Variants in RB1 observed in about 807,000 individuals in gnomAD.
RB1 encodes RB transcriptional corepressor 1.
A neutral mutation model predicts 135.4 loss-of-function variants in RB1; 18 were observed. The ratio of observed to expected loss-of-function variants is 0.13; its 90% CI spans 0.09 to 0.20. The LOEUF (loss-of-function observed/expected upper bound fraction) is 0.20. Among genes scored for constraint, RB1 ranks in the 10% least tolerant of loss-of-function variants. The pLI is 1.00. For synonymous variants in RB1, 365 were observed against 373.2 expected, an observed-to-expected ratio of 0.98 and a Z score of 0.25; for missense variants, 868 against 1,110.0, an observed-to-expected ratio of 0.78 and a Z score of 3.10.
chr13:48,427,142 G>T (rs1171446779), intron 17 of RB1, among the ~76,000 whole-genome samples: 1 of 152,036 alleles, frequency 6.6e-6, no homozygotes, highest in Non-Finnish European at 1.5e-5. Flanking sequence ...CTCACCTCCA[G>T]CATTGGGGAG....
At chr13:48,351,413 C>T (rs1421873564) in intron 6 of RB1, among the ~76,000 whole-genome samples, 2 of 151,958 alleles carry the variant, frequency 1.3e-5, no homozygotes, top group Non-Finnish European at 2.9e-5. Context: ...ATGTGCCTTG[C>T]CCACTTTTTA....
intron 17 of RB1, among the ~76,000 whole-genome samples, chr13:48,402,899 AT>A (rs1226064142): frequency 1.3e-5 from 2 of 152,062 alleles, no homozygotes; most frequent in African/African-American, 4.8e-5. Flanking sequence ...AAATGGTATA[AT>A]TTTTTAGTGC....
At chr13:48,382,689 T>C (rs1199798239) in intron 17 of RB1, among the ~76,000 whole-genome samples, 6 of 152,234 alleles carry the variant, frequency 3.9e-5, no homozygotes, top group Admixed American at 2.0e-4. Context: ...GCAGAAGCTC[T>C]TTAGTTTAAT....
Position 48,368,704 on chromosome 13 carries a change from T to C in RB1, c.1127+100T>C, listed in dbSNP as rs3092889. On this transcript the variant is annotated intron_variant, in intron 11 of 26. Transcript: ENST00000267163. ...GTTTCTTTATGTATTCATACATACA[T>C]GTAAGAAATATATATTGAAGGCCAG... 1.8e-4 allele frequency: 267 copies of C among 1,466,110 alleles called. No homozygotes were observed. The African/African-American group carries it at 3.2e-3, about 17-fold the overall frequency. 90.8% of individuals were successfully genotyped at this position (1,466,110 alleles called of 1,614,324 possible).
intron 17 of RB1, chr13:48,444,742 A>G (rs535949834): frequency 6.6e-6 from 1 of 152,230 alleles, no homozygotes; most frequent in Admixed American, 6.5e-5. Context: ...TTATGATGTC[A>G]GCATTCCTCC....
intron 17 of RB1, among the ~76,000 whole-genome samples, chr13:48,438,987 T>C (rs1394671079): frequency 6.6e-6 from 1 of 152,152 alleles, no homozygotes; most frequent in African/African-American, 2.4e-5. Flanking sequence ...ATAGATGGAA[T>C]TGTGGCCAGT....
At chr13:48,331,516 TTC>T (rs1250441294) in intron 2 of RB1, among the ~76,000 whole-genome samples, 1 of 152,144 alleles carries the variant, frequency 6.6e-6, no homozygotes, top group Non-Finnish European at 1.5e-5. Flanking sequence ...GCATGCTCAG[TTC>T]TCTCACCATG....
At chr13:48,376,624 T>C (rs1952827618) in intron 12 of RB1, among the ~76,000 whole-genome samples, 1 of 152,112 alleles carries the variant, frequency 6.6e-6, no homozygotes. Flanking sequence ...TTTATGAGAA[T>C]GTATGAGGCT....
Position 48,348,964 on chromosome 13 carries a change from C to T in RB1, c.548C>T (p.Thr183Ile), listed in dbSNP as rs1952522583. 4 of 1,600,162 alleles carry T rather than the reference C, an allele frequency of 2.5e-6. No individual in the cohort carries two copies. The highest frequency in any genetic ancestry group is 3.4e-6 in the Non-Finnish European group (4 of 1,172,014). The change falls in exon 6 of 27, where the codon ACT becomes ATT. Residue 183 changes from threonine to isoleucine, a missense_variant. Thr to Ile is a moderately conservative substitution (Grantham distance 89). Coordinates refer to ENST00000267163, the MANE Select transcript of RB1 (RefSeq NM_000321.3). The part of the protein sequence containing the change: ...YLTQPSSSIS[T>I]EINSALVLKV... ...TTCTATTTGTTTAATAGGATATCTA[C>T]TGAAATAAATTCTGCATTGGTGCTA...
intron 17 of RB1, among the ~76,000 whole-genome samples, chr13:48,423,423 T>A (rs543966408): frequency 1.9e-4 from 29 of 152,264 alleles, no homozygotes; most frequent in African/African-American, 6.7e-4. Flanking sequence ...ACTCTTTATG[T>A]TTAAGGATTT....
Position 48,481,408 on chromosome 13 carries a change from T to G in RB1, c.*1337T>G. The G allele has an allele frequency of 4.3e-6, 1 of 231,694 alleles. No individual in the cohort carries two copies. 14.4% of individuals were successfully genotyped at this position (231,694 alleles called of 1,614,324 possible). ...CTTGTGTGATTAACTTATTTAGAGA[T>G]GCTGTAACTTAAAATAGGGGATATT... On this transcript the variant is annotated 3_prime_UTR_variant, in exon 27 of 27. Coordinates refer to ENST00000267163, the MANE Select transcript of RB1 (RefSeq NM_000321.3).
At chr13:48,405,157 C>T (rs1256849049) in intron 17 of RB1, among the ~76,000 whole-genome samples, 3 of 152,124 alleles carry the variant, frequency 2.0e-5, no homozygotes, top group East Asian at 1.9e-4. Context: ...AAAAATCCTA[C>T]GATGCAACAA....
chr13:48,405,484 T>C (rs749481445), intron 17 of RB1, among the ~76,000 whole-genome samples: 1 of 152,226 alleles, frequency 6.6e-6, no homozygotes, highest in Non-Finnish European at 1.5e-5. Flanking sequence ...GCCCATAGTT[T>C]TGACTGCATA....
In RB1 at chr13:48,313,788, G is replaced by A. The variant is rs111226500; in HGVS notation, c.264+6382G>A. On this transcript the variant is annotated intron_variant, in intron 2 of 26. Transcript: ENST00000267163. ...TTTTGAGACGGAGTCTCGCTCTGTC[G>A]CCCAGGCTGGAGTGCGGTGGCACAA... Among the ~76,000 whole-genome samples, 26 of 114,536 alleles carry A rather than the reference G, an allele frequency of 2.3e-4. 1 individual carries two copies. The highest frequency in any genetic ancestry group is 7.4e-4 in the African/African-American group (23 of 30,972). 75.1% of individuals were successfully genotyped at this position (114,536 alleles called of 152,430 possible).
At chr13:48,475,226 AT>A (rs1222973339) in intron 24 of RB1, among the ~76,000 whole-genome samples, 2 of 152,212 alleles carry the variant, frequency 1.3e-5, no homozygotes, top group African/African-American at 4.8e-5. Context: ...GTGTTGCTAC[AT>A]AATACATTAC....
intron 2 of RB1, among the ~76,000 whole-genome samples, chr13:48,338,772 C>A (rs1593432032): frequency 6.6e-6 from 1 of 152,224 alleles, no homozygotes; most frequent in Non-Finnish European, 1.5e-5. Context: ...TTAGAATTTT[C>A]AGCTTTTCTG....
At position 48,304,126 on chromosome 13, in the gene RB1, C is replaced by G. The variant is rs987114647; in HGVS notation, c.137+77C>G. 998 of 1,310,074 alleles carry G rather than the reference C, an allele frequency of 7.6e-4. 2 individuals are homozygous for G. The highest frequency in any genetic ancestry group is 1.4e-3 in the Middle Eastern group (5 of 3,526). The allele number at this position is 1,310,074 out of a possible 1,614,324, so 81.2% of individuals were successfully genotyped here. A position where few individuals can be genotyped will look rare whatever the true frequency, so the allele number is the denominator to read the frequency against. On this transcript the variant is annotated intron_variant, in intron 1 of 26. Transcript: ENST00000267163. ...GCGTAGGGCGGGCGCCAAGGCGGCT[C>G]GGCGGGGATCCGTCCTCGCCAGGGG... is the stretch of plus-strand genomic sequence containing the variant.
At position 48,440,366 on chromosome 13, in the gene RB1, G is replaced by A. The variant is rs4151571; in HGVS notation, c.1696-12627G>A. Among the ~76,000 whole-genome samples, 115 of 152,320 alleles carry A rather than the reference G, an allele frequency of 7.5e-4. 3 individuals carry two copies. The highest frequency in any genetic ancestry group is 6.8e-3 in the Admixed American group (104 of 15,298). ...TGTGAGGCAAAGAGGAGGGAGGCTA[G>A]AGTTGATGAAGACATCTTTCTTTTA... On this transcript the variant is annotated intron_variant, in intron 17 of 26. Transcript: ENST00000267163.
At chr13:48,429,469 A>G (rs990880243) in intron 17 of RB1, 1 of 152,208 alleles carries the variant, frequency 6.6e-6, no homozygotes, top group South Asian at 2.1e-4. Flanking sequence ...GTCGGAAAGT[A>G]GAAGGATTGT....
Sources: gnomAD v4.1 joint callset for allele counts (sites outside exome capture counted in the v4.1 genomes callset) on GRCh38, gnomAD v4.1.1 for gene constraint, MANE v1.5 for transcripts, NCBI Gene and HGNC (gene_info 2026-07-23, HGNC 2026-07-21) for gene names.